The following TCF7L2 variants were observed in gnomAD, a reference collection of about 807,000 sequenced individuals.
TCF7L2 encodes the protein transcription factor 7-like 2.
TCF7L2 carries 23 observed loss-of-function variants against 77.9 expected under a neutral mutation model. The ratio of observed to expected loss-of-function variants is 0.30; its 90% CI spans 0.21 to 0.42. The LOEUF (loss-of-function observed/expected upper bound fraction) is 0.42, where lower values mean the gene tolerates loss of function less well. Among genes scored for constraint, TCF7L2 ranks in the 10% least tolerant of loss-of-function variants. The pLI, the probability that TCF7L2 is intolerant of heterozygous loss-of-function variation, is 1.00. For missense variants in TCF7L2, 654 were observed against 793.1 expected (o/e 0.82, Z 2.11); for synonymous variants, 413 against 340.2 (o/e 1.21, Z -2.36).
In TCF7L2 at chr10:113,165,650, C is replaced by T. The variant is rs202133956; in HGVS notation, c.1487C>T (p.Ser496Phe). The T allele has an allele frequency of 5.6e-6, 9 of 1,612,362 alleles. No homozygotes were observed. The highest frequency in any genetic ancestry group is 2.7e-5 in the African/African-American group (2 of 74,934). The stretch of plus-strand genomic sequence containing the variant: ...AGCTTACTAGATTCGCCTCCCCCCT[C>T]CCCGAACCTGCTAGGCTCCCCTCCC... Residue 496 changes from serine (S) to phenylalanine (F), a missense_variant, in exon 14 of 14, where the codon TCC (serine) becomes TTC (phenylalanine). Transcript: ENST00000627217.
chr10:112,950,917 C>A lies in TCF7L2; in HGVS notation c.161C>A (p.Thr54Lys), dbSNP rs774331057. The change falls in exon 1 of 14, where the codon ACG (threonine) becomes AAG (lysine). Residue 54 changes from threonine (T) to lysine (K), a missense_variant. Transcript: ENST00000627217. The stretch of plus-strand genomic sequence containing the variant: ...TCGTCTCTAGTCAATGAATCAGAAA[C>A]GAATCAAAACAGCTCCTCCGATTCC... The A allele has an allele frequency of 1.2e-6, 2 of 1,611,906 alleles. No individual in the cohort carries two copies. Among genetic ancestry groups the A allele is most frequent in the African/African-American group, 2.7e-5 (2 of 74,756 alleles).
intron 5 of TCF7L2, among the ~76,000 whole-genome samples, chr10:113,069,633 A>G (rs1304083430): frequency 6.6e-6 from 1 of 152,136 alleles, no homozygotes; most frequent in African/African-American, 2.4e-5. Context: ...TTATTTAGAA[A>G]TGGAATTGGG....
At chr10:113,104,751 C>T (rs1203151031) in intron 5 of TCF7L2, among the ~76,000 whole-genome samples, 1 of 152,202 alleles carries the variant, frequency 6.6e-6, no homozygotes, top group East Asian at 1.9e-4. Context: ...GCTGTAACAT[C>T]AGGTGACACT....
At chr10:113,137,866 T>G (rs1351882052) in intron 5 of TCF7L2, among the ~76,000 whole-genome samples, 1 of 152,204 alleles carries the variant, frequency 6.6e-6, no homozygotes, top group African/African-American at 2.4e-5. Flanking sequence ...CCTAAGGGAC[T>G]TAGGTATAGT....
Position 113,116,150 on chromosome 10 carries a change from CATG to C in TCF7L2, c.553-25031_553-25029del, listed in dbSNP as rs2063707856. On this transcript the variant is annotated intron_variant, in intron 5 of 13. Coordinates refer to ENST00000627217, the MANE Select transcript of TCF7L2 (RefSeq NM_001146274.2). ...ACTGGATTGGTTATGTATAGTTTAT[CATG>C]ATAATCTGATGAAAAATTAAATTTA... Among the ~76,000 whole-genome samples the C allele has an allele frequency of 2.0e-5, 3 of 152,280 alleles. No homozygotes were observed. The South Asian group carries it at 6.2e-4, about 32-fold the overall frequency.
intron 5 of TCF7L2, among the ~76,000 whole-genome samples, chr10:113,056,558 C>T (rs927451536): frequency 5.3e-5 from 8 of 152,106 alleles, no homozygotes; most frequent in Admixed American, 2.0e-4. Context: ...AGTAATCACC[C>T]TCCCCCATAT....
intron 4 of TCF7L2, among the ~76,000 whole-genome samples, chr10:113,009,617 G>T (rs539054740): frequency 6.6e-6 from 1 of 152,192 alleles, no homozygotes; most frequent in Non-Finnish European, 1.5e-5. Flanking sequence ...GTTCCTCAAG[G>T]GGGAATGTTA....
At chr10:113,126,076 T>C (rs2065546090) in intron 5 of TCF7L2, 1 of 152,094 alleles carries the variant, frequency 6.6e-6, no homozygotes, top group East Asian at 1.9e-4. Flanking sequence ...GACCATTTGC[T>C]TTAAAGGAAC....
At chr10:112,989,713 G>A (rs2042187796) in intron 4 of TCF7L2, among the ~76,000 whole-genome samples, 2 of 152,126 alleles carry the variant, frequency 1.3e-5, no homozygotes, top group South Asian at 4.2e-4. Context: ...TACCTTCTCG[G>A]ACACTGTTTT....
intron 5 of TCF7L2, among the ~76,000 whole-genome samples, chr10:113,064,368 G>C (rs1374621813): frequency 6.6e-6 from 1 of 152,184 alleles, no homozygotes; most frequent in African/African-American, 2.4e-5. Flanking sequence ...ATCTGCTTCT[G>C]TTTTTCCTTT....
At chr10:112,963,070 G>C (rs2035705831) in intron 3 of TCF7L2, among the ~76,000 whole-genome samples, 1 of 151,990 alleles carries the variant, frequency 6.6e-6, no homozygotes, top group South Asian at 2.1e-4. Flanking sequence ...TATTCTGTTT[G>C]GGGCAAGCAG....
At position 113,053,020 on chromosome 10, in the gene TCF7L2, T is replaced by C. The variant is rs79930687; in HGVS notation, c.552+12894T>C. 2.8e-3 allele frequency among the ~76,000 whole-genome samples: 424 copies of C among 152,336 alleles called. 7 individuals are homozygous for C. The highest frequency in any genetic ancestry group is 8.8e-3 in the Admixed American group (135 of 15,312). On this transcript the variant is annotated intron_variant, in intron 5 of 13. Coordinates refer to ENST00000627217, the MANE Select transcript of TCF7L2 (RefSeq NM_001146274.2). ...GTGCAAACCCATGATGCCTTCTTCCTGATTCATCTGCTACACTGTGAGTTC... is the reference window on the plus strand; with the variant it reads ...GTGCAAACCCATGATGCCTTCTTCCCGATTCATCTGCTACACTGTGAGTTC...
chr10:112,953,425 A>C (rs899100096), intron 3 of TCF7L2, among the ~76,000 whole-genome samples: 4 of 152,144 alleles, frequency 2.6e-5, no homozygotes, highest in Non-Finnish European at 2.9e-5. Flanking sequence ...GGGGCATCTT[A>C]AACGGGACCG....
chr10:113,100,802 G>A (rs553333160), intron 5 of TCF7L2, among the ~76,000 whole-genome samples: 5 of 152,346 alleles, frequency 3.3e-5, no homozygotes, highest in African/African-American at 9.6e-5. Flanking sequence ...TCGGCTGGGC[G>A]TGGTGGCTCA....
chr10:112,997,188 G>A (rs545165562), intron 4 of TCF7L2, among the ~76,000 whole-genome samples: 2 of 152,296 alleles, frequency 1.3e-5, no homozygotes, highest in African/African-American at 4.8e-5. Flanking sequence ...AGAATCCAGG[G>A]TTCAAATACC....
chr10:113,145,203 C>T (rs1360080977), intron 7 of TCF7L2, among the ~76,000 whole-genome samples: 1 of 151,152 alleles, frequency 6.6e-6, no homozygotes, highest in Non-Finnish European at 1.5e-5. Flanking sequence ...TTCTCTGTCT[C>T]TTCTTATTTT....
intron 5 of TCF7L2, among the ~76,000 whole-genome samples, chr10:113,050,299 A>G (rs1591011313): frequency 6.6e-6 from 1 of 152,330 alleles, no homozygotes; most frequent in African/African-American, 2.4e-5. Flanking sequence ...TGAAAAAAAC[A>G]GCAAGCATTT....
intron 5 of TCF7L2, among the ~76,000 whole-genome samples, chr10:113,066,069 A>G (rs1208299326): frequency 1.3e-5 from 2 of 152,182 alleles, no homozygotes; most frequent in Non-Finnish European, 2.9e-5. Context: ...ATCAGTTGTA[A>G]GATATGCTTA....
rs138809473 is a variant in TCF7L2 at position 113,087,690 on chromosome 10, G to C, written c.552+47564G>C. ...TGGTGCTCGGCTTCCCTTCCTGGGG[G>C]CAGATCTCTCAGCTTCTGGTTGGTG... On this transcript the variant is annotated intron_variant, in intron 5 of 13. Coordinates refer to ENST00000627217, the MANE Select transcript of TCF7L2 (RefSeq NM_001146274.2). Among the ~76,000 whole-genome samples, 5 of 152,180 alleles carry C rather than the reference G, an allele frequency of 3.3e-5. No individual in the cohort carries two copies. In the East Asian group the frequency reaches 9.6e-4, roughly 29 times the overall value.
Sources: allele counts gnomAD v4.1 joint callset (sites outside exome capture counted in the v4.1 genomes callset), GRCh38; gene constraint gnomAD v4.1.1; transcripts MANE v1.5; gene names NCBI Gene and HGNC (gene_info 2026-07-23, HGNC 2026-07-21).